The following AASS variants were observed in gnomAD, a reference collection of about 807,000 sequenced individuals.
AASS encodes alpha-aminoadipic semialdehyde synthase, mitochondrial.
Under a neutral mutation model 105.4 loss-of-function variants are expected in AASS, and 86 were observed. The observed-to-expected ratio is 0.82, with a 90% CI of 0.69 to 0.98. The LOEUF is 0.98. Ranked by LOEUF, AASS falls within the 50% of genes least tolerant of loss-of-function variation. The probability of loss-of-function intolerance (pLI) is 0.00; values close to 1 mark genes in which losing one functional copy is unlikely to be tolerated. For synonymous variants in AASS, 381 were observed against 394.8 expected (o/e 0.96, Z 0.41); for missense variants, 1,048 against 1,143.2 (o/e 0.92, Z 1.20).
intron 11 of AASS, among the ~76,000 whole-genome samples, chr7:122,103,007 T>C (rs1050987995): frequency 6.6e-6 from 1 of 151,968 alleles, no homozygotes. Context: ...AAGGACAATA[T>C]AGATAACTTT....
intron 15 of AASS, among the ~76,000 whole-genome samples, chr7:122,095,480 C>T (rs1794106263): frequency 6.6e-6 from 1 of 150,990 alleles, no homozygotes; most frequent in South Asian, 2.1e-4. Context: ...AAGCTGTCTA[C>T]AGTACCAACA....
At chr7:122,131,615 AAT>A (rs201974171) in intron 2 of AASS, among the ~76,000 whole-genome samples, 87 of 150,714 alleles carry the variant, frequency 5.8e-4, no homozygotes, top group East Asian at 1.2e-3. Context: ...ATGATTAAAT[AAT>A]ATATATATAT....
Position 122,101,527 on chromosome 7 carries a change from T to G in AASS, c.1339-89A>C, listed in dbSNP as rs1165942516. The G allele has an allele frequency of 2.7e-6, 4 of 1,479,436 alleles. No individual in the cohort carries two copies. In the African/African-American group the frequency reaches 5.6e-5, roughly 21 times the overall value. 91.6% of individuals were successfully genotyped at this position (1,479,436 alleles called of 1,614,324 possible). ...CATGACTGATAGAGAAAAGACAGAA[T>G]GACAAAGATGGAGAGAGAGAGAAAC... On this transcript the variant is annotated intron_variant, in intron 12 of 23. Transcript: ENST00000417368.
At chr7:122,136,128 C>T (rs1448393294) in intron 1 of AASS, among the ~76,000 whole-genome samples, 1 of 152,172 alleles carries the variant, frequency 6.6e-6, no homozygotes, top group Non-Finnish European at 1.5e-5. Flanking sequence ...CCGCTAACAA[C>T]ATATAGAAAA....
intron 23 of AASS, 109 bp from the exon 24 acceptor site, chr7:122,076,716 A>G (rs1355932397): frequency 1.8e-5 from 15 of 825,784 alleles, no homozygotes; most frequent in Non-Finnish European, 2.5e-5. Flanking sequence ...GAATTCTTGG[A>G]GGCCTAGGCA....
At position 122,081,163 on chromosome 7, in the gene AASS, AG is replaced by A. The variant is rs544439977; in HGVS notation, c.2280+336del. On this transcript the variant is annotated intron_variant, in intron 20 of 23. Coordinates refer to ENST00000417368, the MANE Select transcript of AASS (RefSeq NM_005763.4). ...GTAACTCTCCTGGATTCTCACTTTC[AG>A]GAAGTCCAAGTGACTCCCATCACTG... Among the ~76,000 whole-genome samples, 1,060 of 152,346 alleles carry A rather than the reference AG, an allele frequency of 7.0e-3. 11 individuals are homozygous for A. Among genetic ancestry groups the A allele is most frequent in the African/African-American group, 0.025 (1,020 of 41,586 alleles).
intron 11 of AASS, among the ~76,000 whole-genome samples, chr7:122,107,907 A>G (rs1489150220): frequency 6.7e-6 from 1 of 149,146 alleles, no homozygotes; most frequent in Admixed American, 6.8e-5. Context: ...TTAAGTATGT[A>G]TTAGCTTCTG....
intron 13 of AASS, among the ~76,000 whole-genome samples, chr7:122,100,885 C>T (rs949504642): frequency 3.3e-5 from 5 of 151,928 alleles, no homozygotes; most frequent in Admixed American, 2.0e-4. Flanking sequence ...AAAACTACCT[C>T]TTACTTTCAT....
intron 3 of AASS, among the ~76,000 whole-genome samples, chr7:122,128,426 C>A (rs1419137701): frequency 6.6e-6 from 1 of 152,150 alleles, no homozygotes; most frequent in African/African-American, 2.4e-5. Context: ...TTGCTCAATG[C>A]CACTTTCACA....
chr7:122,116,743 C>G lies in AASS; in HGVS notation c.784G>C (p.Gly262Arg). The G allele has an allele frequency of 6.2e-7, 1 of 1,614,060 alleles. No homozygotes were observed. Among genetic ancestry groups the G allele is most frequent in the Non-Finnish European group, 8.5e-7 (1 of 1,179,992 alleles). The change falls in exon 8 of 24, where the codon GGG becomes CGG. Residue 262 changes from glycine (G) to arginine (R), a missense_variant. By Grantham distance (125) the Gly-to-Arg change is moderately radical (BLOSUM62 -2). Transcript: ENST00000417368. ...SQTGDLRKVY[G>R]TVLSRHHHLV... ...TGATGATGACGACTTAACACCGTCC[C>G]ATACACTTTTCTGAGGTCTTGAAAA... is the stretch of plus-strand genomic sequence containing the variant.
intron 6 of AASS, 24 bp from the exon 7 acceptor site, chr7:122,116,981 A>G: frequency 6.2e-7 from 1 of 1,600,572 alleles, no homozygotes; most frequent in African/African-American, 1.3e-5. Flanking sequence ...ATGAGTAAAA[A>G]TCCAAAAATC....
intron 18 of AASS, among the ~76,000 whole-genome samples, 194 bp downstream of exon 18, chr7:122,091,509 C>T (rs761408029): frequency 2.6e-5 from 4 of 152,188 alleles, no homozygotes; most frequent in Non-Finnish European, 5.9e-5. Flanking sequence ...AAAGAATAGG[C>T]ACAGGCTTTG....
chr7:122,108,951 A>C (rs1794802417), intron 11 of AASS, among the ~76,000 whole-genome samples: 1 of 152,166 alleles, frequency 6.6e-6, no homozygotes, highest in South Asian at 2.1e-4. Context: ...TGATAAATTT[A>C]GTAAAATTGC....
At chr7:122,142,399 T>C (rs1796444520) in intron 1 of AASS, among the ~76,000 whole-genome samples, 1 of 152,166 alleles carries the variant, frequency 6.6e-6, no homozygotes, top group Non-Finnish European at 1.5e-5. Flanking sequence ...AGTAAGACCT[T>C]CACGATGGCT....
In AASS at chr7:122,081,593, T is replaced by C; in HGVS notation, c.2187A>G (p.Gly729=). The C allele has an allele frequency of 6.2e-7, 1 of 1,605,504 alleles. No individual in the cohort carries two copies. The highest frequency in any genetic ancestry group is 8.5e-7 in the Non-Finnish European group (1 of 1,172,284). The change falls in exon 20 of 24, where the codon GGA becomes GGG. Residue 729 remains glycine, a splice_region_variant and synonymous_variant. Coordinates refer to ENST00000417368, the MANE Select transcript of AASS (RefSeq NM_005763.4). ...TLLRGTLRYK[G]YMKALNGFVK... ...CAAATCCATTCAAAGCTTTCATATA[T>C]CCCTGAAACAAGAATTAATAAGCAG...
intron 3 of AASS, 123 bp downstream of exon 3, chr7:122,129,237 TA>T: frequency 3.2e-6 from 2 of 616,716 alleles, no homozygotes; most frequent in Non-Finnish European, 2.5e-6. Context: ...TTTCAGAATA[TA>T]AAAGGAATGC....
At chr7:122,103,674 A>G (rs1562923719) in intron 11 of AASS, among the ~76,000 whole-genome samples, 2 of 152,106 alleles carry the variant, frequency 1.3e-5, no homozygotes, top group South Asian at 4.1e-4. Flanking sequence ...ATTAAGAAAT[A>G]TGTAAGCTAA....
chr7:122,137,936 G>A lies in AASS; in HGVS notation c.-15-4195C>T, dbSNP rs557050431. 2.5e-4 allele frequency among the ~76,000 whole-genome samples: 38 copies of A among 152,196 alleles called. No homozygotes were observed. The East Asian group carries it at 6.2e-3, about 25-fold the overall frequency. ...TAACAGCTTGTAACACAAGCAAGGA[G>A]GATGTAGAAAAGCAGGAGGCAGAGA... On this transcript the variant is annotated intron_variant, in intron 1 of 23. Transcript: ENST00000417368.
intron 21 of AASS, 88 bp downstream of exon 21, chr7:122,079,509 A>C (rs1356232071): frequency 1.9e-5 from 23 of 1,190,242 alleles, no homozygotes; most frequent in Admixed American, 3.7e-5. Context: ...AATCAAAGAC[A>C]AATGTAAAAT....
Sources: gnomAD v4.1 joint callset for allele counts (sites outside exome capture counted in the v4.1 genomes callset) on GRCh38, gnomAD v4.1.1 for gene constraint, MANE v1.5 for transcripts, NCBI Gene and HGNC (gene_info 2026-07-23, HGNC 2026-07-21) for gene names.